The following SLC30A5 variants were observed in gnomAD, a reference collection of about 807,000 sequenced individuals.
SLC30A5 encodes proton-coupled zinc antiporter SLC30A5.
A neutral mutation model predicts 79.6 loss-of-function variants in SLC30A5; 33 were observed. That is an observed-to-expected ratio of 0.41 (90% CI 0.31 to 0.55). The LOEUF (loss-of-function observed/expected upper bound fraction) is 0.55, where lower values mean the gene tolerates loss of function less well. Ranked by LOEUF, SLC30A5 falls within the 20% of genes least tolerant of loss-of-function variation. The pLI, the probability that SLC30A5 is intolerant of heterozygous loss-of-function variation, is 0.20. For synonymous variants in SLC30A5, 299 were observed against 319.7 expected (o/e 0.94, Z 0.69); for missense variants, 788 against 928.1 (o/e 0.85, Z 1.96).
At chr5:69,114,587 C>A in intron 7 of SLC30A5, 91 bp downstream of exon 7, 1 of 899,526 alleles carries the variant, frequency 1.1e-6, no homozygotes, top group Non-Finnish European at 1.8e-6. Flanking sequence ...AAATTATCAG[C>A]TGGGCCCAGT....
intron 5 of SLC30A5, among the ~76,000 whole-genome samples, chr5:69,109,245 C>A (rs1317726954): frequency 6.6e-6 from 1 of 151,420 alleles, no homozygotes; most frequent in Non-Finnish European, 1.5e-5. Flanking sequence ...GGATGGATAC[C>A]CCAATTTACC....
chr5:69,097,105 T>C (rs1459137001), intron 1 of SLC30A5, among the ~76,000 whole-genome samples: 6 of 134,880 alleles, frequency 4.4e-5, no homozygotes, highest in Non-Finnish European at 9.3e-5. Context: ...CTTCCTCTCT[T>C]TTTCTTTTTT....
intron 15 of SLC30A5, among the ~76,000 whole-genome samples, chr5:69,128,541 G>A (rs113585421): frequency 6.6e-6 from 1 of 152,064 alleles, no homozygotes; most frequent in African/African-American, 2.4e-5. Flanking sequence ...GGGTTTATAG[G>A]CAAGCCATCA....
At chr5:69,106,540 T>C (rs1162658982) in intron 4 of SLC30A5, among the ~76,000 whole-genome samples, 1 of 152,094 alleles carries the variant, frequency 6.6e-6, no homozygotes, top group Non-Finnish European at 1.5e-5. Flanking sequence ...AGTTTCTCAA[T>C]TGCAAAAATT....
In SLC30A5 at chr5:69,100,890, C is replaced by T. The variant is rs1190193519; in HGVS notation, c.167C>T (p.Ala56Val). 6.2e-7 allele frequency: 1 copy of T among 1,606,810 alleles called. No individual in the cohort carries two copies. Residue 56 changes from alanine (A) to valine (V), a missense_variant, in exon 2 of 16, where the codon GCT becomes GTT. Ala to Val is a moderately conservative substitution (Grantham distance 64). Coordinates refer to ENST00000396591, the MANE Select transcript of SLC30A5 (RefSeq NM_022902.5). ...TTCGAATCATATGATCTCCTAAAAG[C>T]TGTTCACATTGTTCAGTTCATTTTT... Reference protein sequence around the residue: ...GLFESYDLLKAVHIVQFIFIL... With the variant: ...GLFESYDLLKVVHIVQFIFIL...
rs1453303218 is a variant in SLC30A5, at chr5:69,113,118, ATGT to A, written c.448-17_448-15del. ...TCAACCCTTGAAAAAGTCATCCTTG[ATGT>A]TGTTTTCTTTATTTTCAGACAAGGG... On this transcript the variant is annotated intron_variant, in intron 5 of 15. Coordinates refer to ENST00000396591, the MANE Select transcript of SLC30A5 (RefSeq NM_022902.5). 1 of 1,593,498 alleles carries A rather than the reference ATGT, an allele frequency of 6.3e-7. No individual in the cohort carries two copies. The highest frequency in any genetic ancestry group is 1.3e-5 in the African/African-American group (1 of 74,256).
chr5:69,094,317 C>A lies in SLC30A5; in HGVS notation c.62C>A (p.Pro21Gln). 1 of 1,253,998 alleles carries A rather than the reference C, an allele frequency of 8.0e-7. No homozygotes were observed. The highest frequency in any genetic ancestry group is 1.0e-6 in the Non-Finnish European group (1 of 992,096). The allele number at this position is 1,253,998 out of a possible 1,614,324, so 77.7% of individuals were successfully genotyped here. A position where few individuals can be genotyped will look rare whatever the true frequency, so the allele number is the denominator to read the frequency against. The stretch of plus-strand genomic sequence containing the variant: ...CCCGGCGGCGGCGGCGGCCTTGGGC[C>A]GGTGGACGTACCCAGCGCTCGGTAA... Reference protein sequence around the residue: ...AGPGGGGGLGPVDVPSARLTK... With the variant: ...AGPGGGGGLGQVDVPSARLTK... Residue 21 changes from proline to glutamine, a missense_variant, in exon 1 of 16, where the codon CCG becomes CAG. Physicochemically the swap from Pro to Gln is moderately conservative, Grantham distance 76. Around this residue, in one of 3 missense-constraint regions of SLC30A5, gnomAD observed 626 missense variants for 755.5 expected, o/e 0.83. Transcript: ENST00000396591.
At chr5:69,122,017 AAAAG>A (rs1327736213) in intron 13 of SLC30A5, 122 bp downstream of exon 13, 3 of 694,576 alleles carry the variant, frequency 4.3e-6, no homozygotes, top group Non-Finnish European at 7.3e-6. Flanking sequence ...ATCTGTGACT[AAAAG>A]AAAGGTCTGA....
intron 12 of SLC30A5, among the ~76,000 whole-genome samples, chr5:69,119,970 G>A (rs1299721791): frequency 6.8e-6 from 1 of 147,306 alleles, no homozygotes; most frequent in Admixed American, 6.9e-5. Context: ...AGTGAGCCCA[G>A]GTTGCACCAA....
At chr5:69,101,526 C>T (rs964319873) in intron 2 of SLC30A5, among the ~76,000 whole-genome samples, 24 of 151,928 alleles carry the variant, frequency 1.6e-4, no homozygotes, top group African/African-American at 5.8e-4. Flanking sequence ...ATCTGCCCGC[C>T]TCAGCCTCCC....
intron 2 of SLC30A5, among the ~76,000 whole-genome samples, chr5:69,101,410 C>T (rs1373010639): frequency 1.3e-5 from 2 of 151,790 alleles, no homozygotes; most frequent in African/African-American, 4.8e-5. Context: ...TCCCGAGTAG[C>T]TGGGACTACA....
At chr5:69,117,021 G>T (rs1167079126) in intron 10 of SLC30A5, among the ~76,000 whole-genome samples, 4 of 152,072 alleles carry the variant, frequency 2.6e-5, no homozygotes, top group African/African-American at 9.7e-5. Flanking sequence ...TTTCTAAAAT[G>T]GATTTATCTT....
chr5:69,102,329 C>T, intron 2 of SLC30A5, among the ~76,000 whole-genome samples: 1 of 151,904 alleles, frequency 6.6e-6, no homozygotes, highest in East Asian at 1.9e-4. Context: ...GCTGGGATTA[C>T]AAGCTTGAGC....
Position 69,115,311 on chromosome 5 carries a change from C to T in SLC30A5, c.687C>T (p.Val229=), listed in dbSNP as rs1047678469. ...ATACAGCTTCCAGAAAGCTCTCTGT[C>T]GACGTTGGTGGAGCTAAACGTCTTC... The part of the protein sequence containing the change: ...GFHTASRKLS[V]DVGGAKRLQA... Residue 229 remains valine (V), a synonymous_variant, in exon 8 of 16, where the codon GTC becomes GTT. Coordinates refer to ENST00000396591, the MANE Select transcript of SLC30A5 (RefSeq NM_022902.5). The T allele has an allele frequency of 1.9e-6, 3 of 1,613,900 alleles. No homozygotes were observed. Among genetic ancestry groups the T allele is most frequent in the Non-Finnish European group, 2.5e-6 (3 of 1,179,870 alleles).
At chr5:69,108,719 G>A (rs1268793640) in intron 5 of SLC30A5, among the ~76,000 whole-genome samples, 1 of 151,502 alleles carries the variant, frequency 6.6e-6, no homozygotes, top group Non-Finnish European at 1.5e-5. Context: ...CTACTCTGGA[G>A]GCTGAGGCAT....
chr5:69,109,355 TA>T (rs758113944), intron 5 of SLC30A5, among the ~76,000 whole-genome samples: 20 of 145,706 alleles, frequency 1.4e-4, no homozygotes, highest in Non-Finnish European at 1.8e-4. Context: ...AATCAAAAAT[TA>T]AAAAAAAAAA....
At chr5:69,117,130 A>T in intron 10 of SLC30A5, 109 bp from the exon 11 acceptor site, 1 of 834,998 alleles carries the variant, frequency 1.2e-6, no homozygotes, top group Non-Finnish European at 1.8e-6. Context: ...TAAATAACTA[A>T]ACAATTATAG....
At chr5:69,094,577 A>T (rs1044749650) in intron 1 of SLC30A5, among the ~76,000 whole-genome samples, 7 of 152,092 alleles carry the variant, frequency 4.6e-5, no homozygotes, top group Non-Finnish European at 7.4e-5. Flanking sequence ...TACAAGGCAG[A>T]CAGTCAGTCT....
intron 14 of SLC30A5, among the ~76,000 whole-genome samples, chr5:69,123,864 A>G (rs1746600138): frequency 1.3e-5 from 2 of 152,168 alleles, no homozygotes; most frequent in South Asian, 4.1e-4. Context: ...CCTACTTTGC[A>G]ATTATAAAGT....
Sources: allele counts gnomAD v4.1 joint callset (sites outside exome capture counted in the v4.1 genomes callset), GRCh38; gene constraint gnomAD v4.1.1; regional missense constraint gnomAD v4.1.1; transcripts MANE v1.5; gene names NCBI Gene and HGNC (gene_info 2026-07-23, HGNC 2026-07-21).